NSMCE2: variants seen among roughly 807,000 people sequenced by gnomAD.
The protein encoded by NSMCE2 is NSE2 SUMO ligase component of SMC5/6 complex, also known as E3 SUMO-protein ligase NSE2.
In NSMCE2, 24 loss-of-function variants were observed where a neutral mutation model predicts 23.8. The observed-to-expected ratio is 1.01, with a 90% CI of 0.73 to 1.42. The LOEUF (loss-of-function observed/expected upper bound fraction) is 1.42. Ranked by LOEUF, NSMCE2 falls within the 40% of genes most tolerant of loss-of-function variation. The pLI, the probability that NSMCE2 is intolerant of heterozygous loss-of-function variation, is 0.00. For synonymous variants in NSMCE2, 92 were observed against 94.1 expected (o/e 0.98, Z 0.13); for missense variants, 284 against 296.5 (o/e 0.96, Z 0.31).
At chr8:125,308,668 A>G (rs1411190058) in intron 5 of NSMCE2, among the ~76,000 whole-genome samples, 4 of 152,192 alleles carry the variant, frequency 2.6e-5, no homozygotes, top group African/African-American at 9.7e-5. Context: ...TACAAAGGTG[A>G]TACACACAAA....
At chr8:125,101,629 G>A (rs1244095417) in intron 1 of NSMCE2, among the ~76,000 whole-genome samples, 1 of 152,196 alleles carries the variant, frequency 6.6e-6, no homozygotes, top group African/African-American at 2.4e-5. Context: ...ATGTCCTTTT[G>A]TAGGCAGCTT....
intron 5 of NSMCE2, among the ~76,000 whole-genome samples, chr8:125,340,472 C>T (rs1222955338): frequency 6.6e-6 from 1 of 152,192 alleles, no homozygotes; most frequent in East Asian, 1.9e-4. Flanking sequence ...ATTCCCTTCT[C>T]ATCTATAAAT....
chr8:125,362,283 C>T (rs922187947), intron 7 of NSMCE2, among the ~76,000 whole-genome samples: 1 of 152,230 alleles, frequency 6.6e-6, no homozygotes, highest in Non-Finnish European at 1.5e-5. Flanking sequence ...ATGGCCTTCT[C>T]TTATCCTTTC....
intron 3 of NSMCE2, among the ~76,000 whole-genome samples, chr8:125,142,793 G>A (rs934743733): frequency 3.1e-5 from 3 of 97,198 alleles, no homozygotes; most frequent in Non-Finnish European, 5.9e-5. Flanking sequence ...TAGTAGAGAC[G>A]GTTTCTCCAT....
At chr8:125,178,255 C>T (rs1454836406) in intron 4 of NSMCE2, among the ~76,000 whole-genome samples, 3 of 152,096 alleles carry the variant, frequency 2.0e-5, no homozygotes, top group Admixed American at 6.5e-5. Flanking sequence ...AGCTGTTGAC[C>T]GTCTGCTCCT....
At chr8:125,363,346 T>A (rs897815748) in intron 7 of NSMCE2, 8 of 151,828 alleles carry the variant, frequency 5.3e-5, no homozygotes, top group Admixed American at 4.6e-4. Flanking sequence ...CTACCAAAAA[T>A]TTTTTAAAAA....
intron 5 of NSMCE2, among the ~76,000 whole-genome samples, chr8:125,333,119 G>A (rs533138710): frequency 1.4e-4 from 22 of 151,990 alleles, no homozygotes; most frequent in Admixed American, 4.6e-4. Flanking sequence ...CAGACCTGCC[G>A]AATCAGAATC....
chr8:125,137,488 A>G (rs891579512), intron 3 of NSMCE2, among the ~76,000 whole-genome samples: 3 of 152,212 alleles, frequency 2.0e-5, no homozygotes, highest in Non-Finnish European at 4.4e-5. Context: ...CATGCAAGCT[A>G]AAGGTAATTA....
chr8:125,147,824 C>T (rs1016796523), intron 3 of NSMCE2, among the ~76,000 whole-genome samples: 1 of 151,986 alleles, frequency 6.6e-6, no homozygotes, highest in Non-Finnish European at 1.5e-5. Context: ...TTACTGCAGT[C>T]GGGAAATAAA....
intron 5 of NSMCE2, among the ~76,000 whole-genome samples, chr8:125,272,985 G>C (rs1281878331): frequency 2.0e-5 from 3 of 152,074 alleles, no homozygotes; most frequent in Non-Finnish European, 2.9e-5. Context: ...GTGACACGGG[G>C]CAGGATCCTG....
rs2130809263 is a variant in NSMCE2 at position 125,184,447 on chromosome 8, T to G, written c.418+2191T>G. On this transcript the variant is annotated intron_variant, in intron 5 of 7. Coordinates refer to ENST00000287437, the MANE Select transcript of NSMCE2 (RefSeq NM_173685.4). ...GATAGACAGTCAAACCTTATGTATA[T>G]TTATATTGAAAGAAATACTTCCTTA... is the stretch of plus-strand genomic sequence containing the variant. Among the ~76,000 whole-genome samples the G allele has an allele frequency of 3.3e-5, 5 of 152,234 alleles. No individual in the cohort carries two copies. The South Asian group carries it at 1.0e-3, about 32-fold the overall frequency.
chr8:125,312,173 T>C (rs1050241950), intron 5 of NSMCE2, among the ~76,000 whole-genome samples: 11 of 152,034 alleles, frequency 7.2e-5, no homozygotes, highest in African/African-American at 2.7e-4. Context: ...CTCTGAGACA[T>C]TTAATAAACT....
chr8:125,228,769 A>G (rs930700701), intron 5 of NSMCE2, among the ~76,000 whole-genome samples: 6 of 152,168 alleles, frequency 3.9e-5, no homozygotes, highest in African/African-American at 1.2e-4. Flanking sequence ...AAGATAATCA[A>G]TTCATACGTG....
chr8:125,298,762 G>A (rs577855982), intron 5 of NSMCE2, among the ~76,000 whole-genome samples: 1 of 147,306 alleles, frequency 6.8e-6, no homozygotes, highest in Middle Eastern at 3.6e-3. Context: ...AATACTATGT[G>A]GTTTGTTGTC....
chr8:125,236,261 G>A (rs1308502270), intron 5 of NSMCE2, among the ~76,000 whole-genome samples: 1 of 152,030 alleles, frequency 6.6e-6, no homozygotes, highest in East Asian at 1.9e-4. Context: ...GTAGCTGTAC[G>A]GGATAATTAT....
At chr8:125,339,179 T>G (rs1197199998) in intron 5 of NSMCE2, among the ~76,000 whole-genome samples, 1 of 152,124 alleles carries the variant, frequency 6.6e-6, no homozygotes, top group Non-Finnish European at 1.5e-5. Flanking sequence ...CACCCTCAAT[T>G]TTCTCTCCTC....
At chr8:125,324,489 C>T (rs1236797173) in intron 5 of NSMCE2, among the ~76,000 whole-genome samples, 1 of 97,348 alleles carries the variant, frequency 1.0e-5, no homozygotes, top group Non-Finnish European at 2.0e-5. Flanking sequence ...AAAATGAGGA[C>T]TATTGATACA....
At chr8:125,105,282 C>T (rs1818405007) in intron 3 of NSMCE2, among the ~76,000 whole-genome samples, 1 of 152,172 alleles carries the variant, frequency 6.6e-6, no homozygotes, top group African/African-American at 2.4e-5. Context: ...TTTAACCCTA[C>T]CCAGTCTGTT....
chr8:125,188,847 G>C (rs908615878), intron 5 of NSMCE2, among the ~76,000 whole-genome samples: 1 of 152,158 alleles, frequency 6.6e-6, no homozygotes, highest in Non-Finnish European at 1.5e-5. Flanking sequence ...TGTGATGGGG[G>C]CCAGGTATGG....
Sources: allele counts gnomAD v4.1 joint callset (sites outside exome capture counted in the v4.1 genomes callset), GRCh38; gene constraint gnomAD v4.1.1; transcripts MANE v1.5; gene names NCBI Gene and HGNC (gene_info 2026-07-23, HGNC 2026-07-21).